Variants in ARHGAP44 observed in about 807,000 individuals in gnomAD.
ARHGAP44 encodes Rho GTPase activating protein 44.
Under a neutral mutation model 106.8 loss-of-function variants are expected in ARHGAP44, and 43 were observed. That is an observed-to-expected ratio of 0.40 (90% CI 0.32 to 0.52). The LOEUF is 0.52. ARHGAP44 is among the 20% of genes least tolerant of loss of function. The pLI is 0.48. For synonymous variants in ARHGAP44, 439 were observed against 410.3 expected (o/e 1.07, Z -0.85); for missense variants, 866 against 1,050.5 (o/e 0.82, Z 2.43).
At chr17:12,912,427 T>C (rs2037766046) in intron 4 of ARHGAP44, among the ~76,000 whole-genome samples, 1 of 151,840 alleles carries the variant, frequency 6.6e-6, no homozygotes, top group African/African-American at 2.4e-5. Flanking sequence ...TTTAGAAAAT[T>C]AGAAAAAATT....
At chr17:12,843,674 T>TTTTG (rs2035483125) in intron 1 of ARHGAP44, among the ~76,000 whole-genome samples, 1 of 132,636 alleles carries the variant, frequency 7.5e-6, no homozygotes. Context: ...TTTTTTTTTT[T>TTTTG]GAGATGGAGT....
In ARHGAP44 at chr17:12,931,841, T is replaced by TACACACAAACAC. The variant is rs1213325834; in HGVS notation, c.582+2802_582+2803insAACACACACACA. Among the ~76,000 whole-genome samples the TACACACAAACAC allele has an allele frequency of 1.4e-4, 20 of 146,412 alleles. No individual in the cohort carries two copies. The South Asian group carries it at 4.0e-3, about 29-fold the overall frequency. On this transcript the variant is annotated intron_variant, in intron 7 of 20. Transcript: ENST00000379672. ...ATTGCATGATATTCCACAGTAGGGA[T>TACACACAAACAC]ACACACACACACACACACACACACA...
At chr17:12,948,553 C>A (rs1249143034) in intron 10 of ARHGAP44, among the ~76,000 whole-genome samples, 1 of 152,076 alleles carries the variant, frequency 6.6e-6, no homozygotes, top group African/African-American at 2.4e-5. Flanking sequence ...TGCCTGTAAT[C>A]CCAGCTACTT....
intron 5 of ARHGAP44, among the ~76,000 whole-genome samples, chr17:12,918,739 G>A (rs1180549409): frequency 1.3e-5 from 2 of 152,136 alleles, no homozygotes; most frequent in East Asian, 3.8e-4. Flanking sequence ...TCAGGTCTGT[G>A]TCAGACATGA....
chr17:12,843,748 C>G (rs773217517), intron 1 of ARHGAP44, among the ~76,000 whole-genome samples: 3 of 150,964 alleles, frequency 2.0e-5, no homozygotes, highest in Non-Finnish European at 4.4e-5. Flanking sequence ...CACCACCACC[C>G]AGGTTCAAGT....
At chr17:12,859,375 C>G (rs1458312163) in intron 1 of ARHGAP44, among the ~76,000 whole-genome samples, 3 of 152,162 alleles carry the variant, frequency 2.0e-5, no homozygotes, top group Admixed American at 6.5e-5. Flanking sequence ...GCATGTGGTA[C>G]TTCATTATGG....
intron 1 of ARHGAP44, among the ~76,000 whole-genome samples, chr17:12,833,827 CTGTT>C (rs1175089475): frequency 6.6e-6 from 1 of 152,120 alleles, no homozygotes; most frequent in Non-Finnish European, 1.5e-5. Context: ...TGATTGGTAA[CTGTT>C]TGAAAAAGTT....
chr17:12,896,339 A>G, intron 2 of ARHGAP44, 68 bp from the exon 3 acceptor site: 1 of 1,332,882 alleles, frequency 7.5e-7, no homozygotes, highest in Admixed American at 2.1e-5. Flanking sequence ...GTGATTGTCC[A>G]CACCCACAAT....
At chr17:12,908,496 C>T (rs914391508) in intron 3 of ARHGAP44, among the ~76,000 whole-genome samples, 6 of 152,172 alleles carry the variant, frequency 3.9e-5, no homozygotes, top group Admixed American at 1.3e-4. Flanking sequence ...TGAGCCACCA[C>T]GCCCAGCCAC....
At chr17:12,834,570 A>G (rs2035181832) in intron 1 of ARHGAP44, among the ~76,000 whole-genome samples, 1 of 152,200 alleles carries the variant, frequency 6.6e-6, no homozygotes, top group African/African-American at 2.4e-5. Flanking sequence ...TCATTCTACT[A>G]GTAAGTGTTT....
intron 5 of ARHGAP44, among the ~76,000 whole-genome samples, chr17:12,916,941 C>T (rs962473084): frequency 6.6e-6 from 1 of 152,126 alleles, no homozygotes; most frequent in African/African-American, 2.4e-5. Flanking sequence ...ATTTTGAGCA[C>T]CAACATGATT....
chr17:12,841,639 C>CACACACAAAA (rs1555546108), intron 1 of ARHGAP44, among the ~76,000 whole-genome samples: 6 of 137,396 alleles, frequency 4.4e-5, no homozygotes, highest in African/African-American at 1.8e-4. Flanking sequence ...CACACACACA[C>CACACACAAAA]AAACAAACAA....
At chr17:12,876,038 CTTT>C (rs2036547569) in intron 1 of ARHGAP44, among the ~76,000 whole-genome samples, 1 of 152,196 alleles carries the variant, frequency 6.6e-6, no homozygotes, top group African/African-American at 2.4e-5. Flanking sequence ...GCTCTAACTG[CTTT>C]CTCGAGCTAG....
At chr17:12,836,935 C>T (rs1198297125) in intron 1 of ARHGAP44, among the ~76,000 whole-genome samples, 2 of 152,096 alleles carry the variant, frequency 1.3e-5, no homozygotes, top group Non-Finnish European at 2.9e-5. Flanking sequence ...ATCTAATTGG[C>T]AATTATAGAA....
intron 1 of ARHGAP44, among the ~76,000 whole-genome samples, chr17:12,873,150 C>T (rs2150885875): frequency 6.6e-6 from 1 of 152,042 alleles, no homozygotes; most frequent in East Asian, 1.9e-4. Flanking sequence ...TTTTCCCCTC[C>T]TCTCTCTTGT....
intron 19 of ARHGAP44, 111 bp from the exon 20 acceptor site, chr17:12,984,420 G>T: frequency 8.2e-7 from 1 of 1,223,658 alleles, no homozygotes; most frequent in Admixed American, 3.4e-5. Flanking sequence ...GGGTGGCGAG[G>T]GGCAGGAGGT....
chr17:12,904,391 C>A lies in ARHGAP44; in HGVS notation c.199-4506C>A, dbSNP rs552036391. 2.0e-4 allele frequency among the ~76,000 whole-genome samples: 31 copies of A among 152,302 alleles called. No individual in the cohort carries two copies. The South Asian group carries it at 4.6e-3, about 22-fold the overall frequency. ...AAAGCTCTGGGATTACAGGCGTGAG[C>A]CACGGTGCCCGGCCAATTTCTTGAT... On this transcript the variant is annotated intron_variant, in intron 3 of 20. Coordinates refer to ENST00000379672, the MANE Select transcript of ARHGAP44 (RefSeq NM_014859.6).
intron 1 of ARHGAP44, among the ~76,000 whole-genome samples, chr17:12,798,056 C>T: frequency 6.6e-6 from 1 of 152,052 alleles, no homozygotes; most frequent in East Asian, 1.9e-4. Context: ...TTAACAGCCG[C>T]CTTCATGAAC....
In ARHGAP44 at chr17:12,955,943, G is replaced by A; in HGVS notation, c.1213G>A (p.Val405Ile). The change falls in exon 14 of 21, where the codon GTT becomes ATT. Residue 405 changes from valine to isoleucine, a missense_variant. Val to Ile is a conservative substitution (Grantham distance 29). Transcript: ENST00000379672. Reference sequence around the variant, plus strand: ...GATGACTCCCAGTAATATGGCAATTGTTTTAGGACCCAACCTCCTATGGCC... The same window carrying A: ...GATGACTCCCAGTAATATGGCAATTATTTTAGGACCCAACCTCCTATGGCC... ...NKMTPSNMAI[V>I]LGPNLLWPQA... 1 of 1,613,468 alleles carries A rather than the reference G, an allele frequency of 6.2e-7. No homozygotes were observed. Among genetic ancestry groups the A allele is most frequent in the Non-Finnish European group, 8.5e-7 (1 of 1,179,790 alleles).
Sources: allele counts gnomAD v4.1 joint callset (sites outside exome capture counted in the v4.1 genomes callset), GRCh38; gene constraint gnomAD v4.1.1; transcripts MANE v1.5; gene names NCBI Gene and HGNC (gene_info 2026-07-23, HGNC 2026-07-21).